Variants in GNG12 observed in about 807,000 individuals in gnomAD.
GNG12 encodes G protein subunit gamma 12.
For synonymous variants in GNG12, 28 were observed against 29.7 expected (o/e 0.94, Z 0.19); for missense variants, 69 against 83.8 (o/e 0.82, Z 0.69).
chr1:67,780,191 T>C (rs539429332), intron 1 of GNG12, among the ~76,000 whole-genome samples: 4 of 152,288 alleles, frequency 2.6e-5, no homozygotes, highest in African/African-American at 9.6e-5. Context: ...TTTAATCCCC[T>C]TGGTAATCCT....
chr1:67,791,322 A>C (rs1453791695), intron 1 of GNG12, among the ~76,000 whole-genome samples: 2 of 152,046 alleles, frequency 1.3e-5, no homozygotes, highest in African/African-American at 4.8e-5. Context: ...TCCTTTGCTG[A>C]ATTCTCTCCT....
At chr1:67,724,160 G>A (rs1267313891) in intron 2 of GNG12, among the ~76,000 whole-genome samples, 1 of 152,144 alleles carries the variant, frequency 6.6e-6, no homozygotes, top group Non-Finnish European at 1.5e-5. Context: ...CAGAGGAGGA[G>A]AGTTGAGAAA....
chr1:67,786,769 A>T (rs1249978851), intron 1 of GNG12, among the ~76,000 whole-genome samples: 1 of 151,938 alleles, frequency 6.6e-6, no homozygotes, highest in Admixed American at 6.6e-5. Context: ...TAAAAATACA[A>T]AAACAACAAC....
At chr1:67,763,120 A>AGAGAGAGAGAGAGAGAGAAT (rs1553157312) in intron 2 of GNG12, among the ~76,000 whole-genome samples, 1 of 151,154 alleles carries the variant, frequency 6.6e-6, no homozygotes, top group Non-Finnish European at 1.5e-5. Context: ...AGAGAGAGAG[A>AGAGAGAGAGAGAGAGAGAAT]ATCAATATGA....
In GNG12 at chr1:67,795,041, A is replaced by G. The variant is rs187052934; in HGVS notation, c.-76-17534T>C. 7.9e-5 allele frequency among the ~76,000 whole-genome samples: 12 copies of G among 152,322 alleles called. No homozygotes were observed. The East Asian group carries it at 2.3e-3, about 29-fold the overall frequency. ...AAGGACACAGGGGTACAGGGTTTCA[A>G]TGTTTTTCCTAGAACCTAGTCTACA... On this transcript the variant is annotated intron_variant, in intron 1 of 3. Transcript: ENST00000370982.
rs1159539270 is a variant in GNG12, at chr1:67,833,412, C to T, written c.-145G>A. ...TCTCTAAGGGCTCCTGGAGACGGCTCCGACCTCTCCTCCTCCTCCTCCTCT... is the reference window on the plus strand; with the variant it reads ...TCTCTAAGGGCTCCTGGAGACGGCTTCGACCTCTCCTCCTCCTCCTCCTCT... On this transcript the variant is annotated 5_prime_UTR_variant, in exon 1 of 4. Transcript: ENST00000370982. 1.0e-6 allele frequency: 1 copy of T among 985,282 alleles called. No homozygotes were observed. The highest frequency in any genetic ancestry group is 4.7e-5 in the South Asian group (1 of 21,332). 61.0% of individuals were successfully genotyped at this position (985,282 alleles called of 1,614,324 possible). A position where few individuals can be genotyped will look rare whatever the true frequency, so the allele number is the denominator to read the frequency against.
intron 2 of GNG12, among the ~76,000 whole-genome samples, chr1:67,738,750 T>C (rs757206314): frequency 6.6e-6 from 1 of 152,208 alleles, no homozygotes; most frequent in Non-Finnish European, 1.5e-5. Context: ...TGATGGCATG[T>C]GCCTGTGGTC....
At chr1:67,802,846 C>T (rs1422065131) in intron 1 of GNG12, among the ~76,000 whole-genome samples, 2 of 152,228 alleles carry the variant, frequency 1.3e-5, no homozygotes, top group Non-Finnish European at 2.9e-5. Context: ...TCTCCCTACA[C>T]ATGACCCTTG....
intron 2 of GNG12, among the ~76,000 whole-genome samples, chr1:67,739,386 T>G (rs1032711175): frequency 6.6e-6 from 1 of 150,866 alleles, no homozygotes; most frequent in African/African-American, 2.5e-5. Flanking sequence ...CGCAGAGAGT[T>G]GATCACAATG....
chr1:67,781,686 G>A (rs1646738469), intron 1 of GNG12, among the ~76,000 whole-genome samples: 1 of 152,118 alleles, frequency 6.6e-6, no homozygotes, highest in African/African-American at 2.4e-5. Flanking sequence ...GATTGTTCAG[G>A]TGAGATATGG....
chr1:67,742,315 T>G (rs1471990836), intron 2 of GNG12, among the ~76,000 whole-genome samples: 4 of 152,180 alleles, frequency 2.6e-5, no homozygotes, highest in African/African-American at 9.7e-5. Context: ...TAAAACAATC[T>G]AATCTTTAAT....
At chr1:67,768,413 T>C (rs1420078276) in intron 2 of GNG12, among the ~76,000 whole-genome samples, 1 of 152,244 alleles carries the variant, frequency 6.6e-6, no homozygotes, top group Non-Finnish European at 1.5e-5. Flanking sequence ...AGTTATTTTT[T>C]AAAAGCAGAT....
chr1:67,769,304 A>G lies in GNG12; in HGVS notation c.-27+8154T>C, dbSNP rs188898486. Among the ~76,000 whole-genome samples, 210 of 152,288 alleles carry G rather than the reference A, an allele frequency of 1.4e-3. 1 individual carries two copies. Among genetic ancestry groups the G allele is most frequent in the African/African-American group, 4.9e-3 (204 of 41,556 alleles). ...CAACATCACAGTGGTCCAACCACAC[A>G]TGAAAAAGGAGGGCACGTTGGCAGG... is the stretch of plus-strand genomic sequence containing the variant. On this transcript the variant is annotated intron_variant, in intron 2 of 3. Transcript: ENST00000370982.
intron 2 of GNG12, among the ~76,000 whole-genome samples, chr1:67,771,396 G>A (rs777834435): frequency 6.6e-6 from 1 of 152,220 alleles, no homozygotes; most frequent in Non-Finnish European, 1.5e-5. Flanking sequence ...GGTCACGCAG[G>A]TAAGTAAGTA....
chr1:67,705,384 A>C lies in GNG12; in HGVS notation c.*67T>G. The C allele has an allele frequency of 1.3e-6, 2 of 1,579,304 alleles. No individual in the cohort carries two copies. Among genetic ancestry groups the C allele is most frequent in the Non-Finnish European group, 1.7e-6 (2 of 1,164,678 alleles). On this transcript the variant is annotated 3_prime_UTR_variant, in exon 4 of 4. Transcript: ENST00000370982. ...TGGTTACCAAATAAGCTGAAGGTAA[A>C]TCTCTTCAAGGAGCTGCTCATAATT...
At chr1:67,833,297 C>A in intron 1 of GNG12, 47 bp downstream of exon 1, 1 of 775,520 alleles carries the variant, frequency 1.3e-6, no homozygotes, top group South Asian at 5.6e-5. Flanking sequence ...GCGCCCCGAC[C>A]CCGCGGGGAC....
chr1:67,825,161 C>T (rs1647004555), intron 1 of GNG12, among the ~76,000 whole-genome samples: 1 of 152,228 alleles, frequency 6.6e-6, no homozygotes, highest in Non-Finnish European at 1.5e-5. Flanking sequence ...ATACTATAAA[C>T]ACAACAGGTG....
intron 2 of GNG12, among the ~76,000 whole-genome samples, chr1:67,737,879 C>A (rs576149318): frequency 6.6e-6 from 1 of 152,300 alleles, no homozygotes; most frequent in South Asian, 2.1e-4. Context: ...CCATTCCTTG[C>A]CTGCACACTT....
chr1:67,709,938 ATATATATATAGT>A (rs1158986315), intron 2 of GNG12, among the ~76,000 whole-genome samples: 3 of 21,836 alleles, frequency 1.4e-4, no homozygotes, highest in Non-Finnish European at 1.7e-4. Context: ...ATATATAGTT[ATATATATATAGT>A]TATATATATA....
Sources: allele counts gnomAD v4.1 joint callset (sites outside exome capture counted in the v4.1 genomes callset), GRCh38; gene constraint gnomAD v4.1.1; transcripts MANE v1.5; gene names NCBI Gene and HGNC (gene_info 2026-07-23, HGNC 2026-07-21).